Variants in DDX60L observed in about 807,000 individuals in gnomAD.
DDX60L encodes the protein probable ATP-dependent RNA helicase DDX60-like.
DDX60L carries 191 observed loss-of-function variants against 211.6 expected under a neutral mutation model. That is an observed-to-expected ratio of 0.90 (90% CI 0.80 to 1.02). The LOEUF is 1.02. Among genes scored for constraint, DDX60L ranks in the 50% least tolerant of loss-of-function variants. DDX60L has a pLI of 0.00. For synonymous variants in DDX60L, 706 were observed against 694.1 expected (o/e 1.02, Z -0.27); for missense variants, 2,007 against 1,984.1 (o/e 1.01, Z -0.22).
intron 18 of DDX60L, among the ~76,000 whole-genome samples, 160 bp downstream of exon 18, chr4:168,420,101 G>A (rs1750244789): frequency 6.6e-6 from 1 of 152,150 alleles, no homozygotes; most frequent in East Asian, 1.9e-4. Context: ...ACTTTTTAGA[G>A]TAGAACAACC....
At chr4:168,460,855 T>C (rs1757232497) in intron 5 of DDX60L, among the ~76,000 whole-genome samples, 1 of 152,198 alleles carries the variant, frequency 6.6e-6, no homozygotes. Context: ...CTCCTCACGT[T>C]TGGTAATTTG....
At position 168,480,484 on chromosome 4, in the gene DDX60L, C is replaced by T. The variant is rs1760293276; in HGVS notation, c.-218G>A. On this transcript the variant is annotated 5_prime_UTR_variant, in exon 1 of 38. Transcript: ENST00000682922. ...GCAGAGCCTGGCGTCGGACTGGGCGCTCTGAGCCACACAGCAGCCAGCGCC... is the reference window on the plus strand; with the variant it reads ...GCAGAGCCTGGCGTCGGACTGGGCGTTCTGAGCCACACAGCAGCCAGCGCC... The T allele has an allele frequency of 6.6e-6, 1 of 152,298 alleles. No homozygotes were observed. Among genetic ancestry groups the T allele is most frequent in the Non-Finnish European group, 1.5e-5 (1 of 68,100 alleles). 9.4% of individuals were successfully genotyped at this position (152,298 alleles called of 1,614,324 possible). A position where few individuals can be genotyped will look rare whatever the true frequency, so the allele number is the denominator to read the frequency against.
chr4:168,378,504 T>C, intron 32 of DDX60L, 29 bp from the exon 33 acceptor site: 1 of 1,483,062 alleles, frequency 6.7e-7, no homozygotes, highest in Non-Finnish European at 9.0e-7. Flanking sequence ...TTATTATAAA[T>C]AAGAATAATG....
intron 33 of DDX60L, 80 bp from the exon 34 acceptor site, chr4:168,375,604 T>C (rs1462334825): frequency 3.1e-6 from 4 of 1,287,478 alleles, no homozygotes; most frequent in Admixed American, 3.2e-5. Flanking sequence ...GATTGCAGCA[T>C]AGTTCTGTAG....
intron 36 of DDX60L, among the ~76,000 whole-genome samples, chr4:168,368,106 C>T (rs1444394302): frequency 2.6e-5 from 4 of 152,246 alleles, no homozygotes; most frequent in African/African-American, 9.6e-5. Context: ...TAACGTTAAT[C>T]CCCAAGACAA....
chr4:168,472,384 G>T, intron 3 of DDX60L, 71 bp downstream of exon 3: 1 of 1,157,402 alleles, frequency 8.6e-7, no homozygotes, highest in East Asian at 2.6e-5. Context: ...TATGTATATG[G>T]GTTAAGAGGG....
intron 4 of DDX60L, among the ~76,000 whole-genome samples, chr4:168,465,253 C>G (rs951134341): frequency 6.6e-6 from 1 of 151,872 alleles, no homozygotes; most frequent in Non-Finnish European, 1.5e-5. Context: ...ATAATGTTGA[C>G]TATGCTTTCA....
chr4:168,466,197 A>C (rs1757971216), intron 4 of DDX60L, among the ~76,000 whole-genome samples: 1 of 152,142 alleles, frequency 6.6e-6, no homozygotes, highest in Non-Finnish European at 1.5e-5. Flanking sequence ...AATAAAGACA[A>C]GAGTAGAAAT....
intron 22 of DDX60L, among the ~76,000 whole-genome samples, chr4:168,410,941 G>C (rs1748572243): frequency 6.6e-6 from 1 of 152,214 alleles, no homozygotes; most frequent in Non-Finnish European, 1.5e-5. Context: ...AATAGGAAAG[G>C]ATAATGTCTG....
chr4:168,398,647 C>T (rs1746252225), intron 26 of DDX60L, among the ~76,000 whole-genome samples: 1 of 152,196 alleles, frequency 6.6e-6, no homozygotes, highest in South Asian at 2.1e-4. Flanking sequence ...CCCATGGCCA[C>T]CCATGGACCA....
At chr4:168,360,947 T>C (rs184165564) in intron 37 of DDX60L, among the ~76,000 whole-genome samples, 38 of 152,168 alleles carry the variant, frequency 2.5e-4, no homozygotes, top group African/African-American at 8.2e-4. Context: ...TGAATCTTAA[T>C]ACAAAAAAAA....
intron 1 of DDX60L, among the ~76,000 whole-genome samples, chr4:168,475,162 A>G (rs1156719761): frequency 6.6e-6 from 1 of 152,192 alleles, no homozygotes; most frequent in African/African-American, 2.4e-5. Context: ...ATTGCTTACC[A>G]TCTCTGTTTC....
At chr4:168,463,872 GA>G in intron 4 of DDX60L, among the ~76,000 whole-genome samples, 1 of 152,260 alleles carries the variant, frequency 6.6e-6, no homozygotes, top group East Asian at 1.9e-4. Context: ...GTTACAATTG[GA>G]AGCCATTCAA....
rs1553995702 is a variant in DDX60L, at chr4:168,391,649, G to GGAA, written c.3811-6_3811-5insTTC. The GGAA allele has an allele frequency of 2.4e-4, 258 of 1,069,446 alleles. 1 individual carries two copies. The highest frequency in any genetic ancestry group is 7.1e-4 in the Admixed American group (22 of 31,178). 66.2% of individuals were successfully genotyped at this position (1,069,446 alleles called of 1,614,324 possible). On this transcript the variant is annotated splice_region_variant and splice_polypyrimidine_tract_variant and intron_variant, in intron 28 of 37. Transcript: ENST00000682922. Reference sequence around the variant, plus strand: ...TGTTTCAGTAGCTGTCACTACCTAGGAAAAAAAAAAAAAAACAGTCAATAC... The same window carrying GGAA: ...TGTTTCAGTAGCTGTCACTACCTAGGGAAAAAAAAAAAAAAAAACAGTCAATAC...
intron 30 of DDX60L, among the ~76,000 whole-genome samples, chr4:168,382,785 AAATC>A (rs1227755577): frequency 6.6e-6 from 1 of 152,176 alleles, no homozygotes; most frequent in Non-Finnish European, 1.5e-5. Flanking sequence ...GAAAAAGTAA[AAATC>A]AACATATAAA....
chr4:168,370,162 A>G (rs1740757418), intron 36 of DDX60L, among the ~76,000 whole-genome samples: 1 of 152,200 alleles, frequency 6.6e-6, no homozygotes, highest in African/African-American at 2.4e-5. Context: ...ATGATATGGA[A>G]TCAACTTAAG....
intron 15 of DDX60L, 28 bp downstream of exon 15, chr4:168,423,580 A>AAGAAATTCTATAAGTAT: frequency 6.7e-7 from 1 of 1,482,160 alleles, no homozygotes; most frequent in Non-Finnish European, 9.0e-7. Flanking sequence ...GTAAAAATTT[A>AAGAAATTCTATAAGTAT]AAGTATAAGA....
intron 8 of DDX60L, among the ~76,000 whole-genome samples, chr4:168,449,432 A>G (rs1346983901): frequency 9.7e-6 from 1 of 102,928 alleles, no homozygotes; most frequent in Non-Finnish European, 1.8e-5. Context: ...ACATGGACAC[A>G]GGAAGGGGAA....
At chr4:168,453,573 A>G (rs1756104502) in intron 7 of DDX60L, among the ~76,000 whole-genome samples, 1 of 152,194 alleles carries the variant, frequency 6.6e-6, no homozygotes, top group South Asian at 2.1e-4. Context: ...GGATTGACAG[A>G]GCCCCATGTA....
Sources: gnomAD v4.1 joint callset for allele counts (sites outside exome capture counted in the v4.1 genomes callset) on GRCh38, gnomAD v4.1.1 for gene constraint, MANE v1.5 for transcripts, NCBI Gene and HGNC (gene_info 2026-07-23, HGNC 2026-07-21) for gene names.